RBFOX1: variants seen among roughly 807,000 people sequenced by gnomAD.
The protein encoded by RBFOX1 is RNA binding fox-1 homolog 1.
A neutral mutation model predicts 57.7 loss-of-function variants in RBFOX1; 8 were observed. The ratio of observed to expected loss-of-function variants is 0.14; its 90% CI spans 0.08 to 0.25. RBFOX1 has a LOEUF of 0.25. Among genes scored for constraint, RBFOX1 ranks in the 10% least tolerant of loss-of-function variants. The pLI, the probability that RBFOX1 is intolerant of heterozygous loss-of-function variation, is 1.00. For synonymous variants in RBFOX1, 326 were observed against 222.4 expected (o/e 1.47, Z -4.15); for missense variants, 611 against 548.5 (o/e 1.11, Z -1.14).
intron 4 of RBFOX1, among the ~76,000 whole-genome samples, chr16:7,413,917 C>T (rs370466135): frequency 1.2e-4 from 19 of 152,078 alleles, no homozygotes; most frequent in African/African-American, 4.6e-4. Flanking sequence ...AAGTGCAGAG[C>T]CTGGCACATT....
chr16:5,529,787 C>T (rs544383011), intron 2 of RBFOX1, among the ~76,000 whole-genome samples: 165 of 152,112 alleles, frequency 1.1e-3, no homozygotes, highest in Non-Finnish European at 1.7e-3. Flanking sequence ...AGGGTGTTCT[C>T]GAACTCCTGA....
chr16:7,611,799 G>A (rs1240033506), intron 10 of RBFOX1, among the ~76,000 whole-genome samples: 2 of 151,924 alleles, frequency 1.3e-5, no homozygotes, highest in Non-Finnish European at 2.9e-5. Flanking sequence ...AATGTATTTT[G>A]GATGGTTTTT....
At position 6,812,507 on chromosome 16, in the gene RBFOX1, G is replaced by C. The variant is rs146529397; in HGVS notation, c.-16+157857G>C. On this transcript the variant is annotated intron_variant, in intron 3 of 15. Coordinates refer to ENST00000550418, the MANE Select transcript of RBFOX1 (RefSeq NM_018723.4). Reference sequence around the variant, plus strand: ...TCTTGCCATAGCCTACTGAGTAGCTGGGATTACAGGCACATGACACCACGC... The same window carrying C: ...TCTTGCCATAGCCTACTGAGTAGCTCGGATTACAGGCACATGACACCACGC... Among the ~76,000 whole-genome samples, 5 of 152,146 alleles carry C rather than the reference G, an allele frequency of 3.3e-5. No individual in the cohort carries two copies. In the East Asian group the frequency reaches 9.7e-4, roughly 29 times the overall value.
At chr16:7,232,166 G>T (rs1430209125) in intron 4 of RBFOX1, among the ~76,000 whole-genome samples, 2 of 152,100 alleles carry the variant, frequency 1.3e-5, no homozygotes, top group African/African-American at 4.8e-5. Context: ...TGAGACTACA[G>T]GTACATACCA....
chr16:7,257,452 C>A (rs2094737060), intron 4 of RBFOX1, among the ~76,000 whole-genome samples: 1 of 152,100 alleles, frequency 6.6e-6, no homozygotes, highest in African/African-American at 2.4e-5. Flanking sequence ...AAATAGCAGC[C>A]ACTGGGAGCT....
chr16:5,590,196 T>C (rs1194298548), intron 2 of RBFOX1, among the ~76,000 whole-genome samples: 2 of 152,074 alleles, frequency 1.3e-5, no homozygotes, highest in African/African-American at 4.8e-5. Context: ...ATTTACATGG[T>C]AATAGAAGGC....
intron 4 of RBFOX1, among the ~76,000 whole-genome samples, chr16:7,314,549 G>A (rs1444464273): frequency 1.3e-5 from 2 of 152,196 alleles, no homozygotes; most frequent in African/African-American, 4.8e-5. Context: ...AACGGGATGC[G>A]ATCTGTCTTA....
intron 4 of RBFOX1, among the ~76,000 whole-genome samples, chr16:7,358,637 C>G (rs922348600): frequency 6.6e-6 from 1 of 152,250 alleles, no homozygotes; most frequent in Middle Eastern, 3.4e-3. Flanking sequence ...CCAAGCTGGT[C>G]TCAAACTCCT....
chr16:6,713,523 G>T (rs1052848736), intron 3 of RBFOX1, among the ~76,000 whole-genome samples: 2 of 152,036 alleles, frequency 1.3e-5, no homozygotes, highest in African/African-American at 2.4e-5. Context: ...CTACCCACTA[G>T]ATGCAAGTAA....
intron 1 of RBFOX1, among the ~76,000 whole-genome samples, chr16:5,274,916 A>G (rs1033738252): frequency 6.6e-6 from 1 of 152,186 alleles, no homozygotes; most frequent in African/African-American, 2.4e-5. Flanking sequence ...TTCTGCAGCA[A>G]TTGATGGCCA....
chr16:6,258,884 C>G (rs554129382), intron 1 of RBFOX1, among the ~76,000 whole-genome samples: 1 of 152,102 alleles, frequency 6.6e-6, no homozygotes, highest in Non-Finnish European at 1.5e-5. Flanking sequence ...TAAAGATATA[C>G]AGCTATCTAT....
chr16:5,310,833 T>C (rs1051011325), intron 1 of RBFOX1, among the ~76,000 whole-genome samples: 1 of 152,224 alleles, frequency 6.6e-6, no homozygotes, highest in African/African-American at 2.4e-5. Context: ...AAGTACACTC[T>C]TTTCTTTAAA....
rs143320219 is a variant in RBFOX1 at position 7,078,977 on chromosome 16, C to G, written c.27+26879C>G. ...CCCACCTTGGCCTCCCAACAAGACC[C>G]TATTTTCAAATGAGGTCATATTGTG... On this transcript the variant is annotated intron_variant, in intron 4 of 15. Coordinates refer to ENST00000550418, the MANE Select transcript of RBFOX1 (RefSeq NM_018723.4). Among the ~76,000 whole-genome samples, 510 of 144,330 alleles carry G rather than the reference C, an allele frequency of 3.5e-3. 3 individuals carry two copies. Among genetic ancestry groups the G allele is most frequent in the African/African-American group, 0.012 (474 of 39,868 alleles). 94.7% of individuals were successfully genotyped at this position (144,330 alleles called of 152,430 possible).
rs189711290 is a variant in RBFOX1 at position 6,564,836 on chromosome 16, T to A, written c.-63-89767T>A. Among the ~76,000 whole-genome samples, 130 of 152,246 alleles carry A rather than the reference T, an allele frequency of 8.5e-4. 1 individual carries two copies. Among genetic ancestry groups the A allele is most frequent in the Admixed American group, 6.3e-3 (97 of 15,282 alleles). ...AATCTGTTCAGTCCTTATTTAAAAA[T>A]TTTTTAAAATTAAAGCATTTGCGGC... On this transcript the variant is annotated intron_variant, in intron 2 of 15. Transcript: ENST00000550418.
At position 7,003,142 on chromosome 16, in the gene RBFOX1, A is replaced by T. The variant is rs140876857; in HGVS notation, c.-15-48915A>T. On this transcript the variant is annotated intron_variant, in intron 3 of 15. Coordinates refer to ENST00000550418, the MANE Select transcript of RBFOX1 (RefSeq NM_018723.4). ...CGTAAAATGGGTTTAAAGAAGAATG[A>T]AAGATGCTAGACAGATCGTTTAAAA... 7.2e-4 allele frequency among the ~76,000 whole-genome samples: 110 copies of T among 152,284 alleles called. No individual in the cohort carries two copies. The East Asian group carries it at 0.021, about 29-fold the overall frequency.
chr16:5,646,852 C>T (rs1019312493), intron 3 of RBFOX1, among the ~76,000 whole-genome samples: 8 of 152,174 alleles, frequency 5.3e-5, no homozygotes, highest in African/African-American at 1.9e-4. Context: ...CCAGGATGGT[C>T]TCAATCTCTT....
chr16:6,641,734 CAAAAAAAAAAAAAAAAAAAAAAAAAA>C (rs869202831), intron 2 of RBFOX1, among the ~76,000 whole-genome samples: 37 of 68,970 alleles, frequency 5.4e-4, no homozygotes, highest in African/African-American at 1.3e-3. Context: ...GACTCCGTCT[CAAAAAAAAAAAAAAAAAAAAAAAAAA>C]AAAAAAAAAA....
chr16:7,709,726 G>A, intron 15 of RBFOX1: 1 of 811,752 alleles, frequency 1.2e-6, no homozygotes, highest in Non-Finnish European at 1.5e-6. Flanking sequence ...TTGTTTTGGG[G>A]CAGGTCTGGG....
chr16:7,470,795 G>T (rs549844027), intron 4 of RBFOX1, among the ~76,000 whole-genome samples: 2 of 152,204 alleles, frequency 1.3e-5, no homozygotes, highest in South Asian at 4.2e-4. Flanking sequence ...TCACTGGGGT[G>T]GTCATGTGAT....
Sources: gnomAD v4.1 joint callset for allele counts (sites outside exome capture counted in the v4.1 genomes callset) on GRCh38, gnomAD v4.1.1 for gene constraint, MANE v1.5 for transcripts, NCBI Gene and HGNC (gene_info 2026-07-23, HGNC 2026-07-21) for gene names.